MYBPC1: variants seen among roughly 807,000 people sequenced by gnomAD.
MYBPC1 encodes myosin-binding protein C, slow-type.
In MYBPC1, 52 loss-of-function variants were observed where a neutral mutation model predicts 147.1. That is an observed-to-expected ratio of 0.35 (90% CI 0.28 to 0.45). The LOEUF (loss-of-function observed/expected upper bound fraction) is 0.45, where lower values mean the gene tolerates loss of function less well. Among genes scored for constraint, MYBPC1 ranks in the 20% least tolerant of loss-of-function variants. MYBPC1 has a pLI of 1.00. For missense variants in MYBPC1, 1,228 were observed against 1,440.3 expected (o/e 0.85, Z 2.39); for synonymous variants, 477 against 475.9 (o/e 1.00, Z -0.03).
intron 10 of MYBPC1, among the ~76,000 whole-genome samples, chr12:101,638,328 A>T (rs1891397023): frequency 1.3e-5 from 2 of 152,206 alleles, no homozygotes; most frequent in Admixed American, 1.3e-4. Context: ...GGATAGATAC[A>T]CTTTTGTGGG....
At chr12:101,671,979 A>C (rs1358913116) in intron 24 of MYBPC1, among the ~76,000 whole-genome samples, 1 of 152,200 alleles carries the variant, frequency 6.6e-6, no homozygotes, top group East Asian at 1.9e-4. Context: ...GAAGGGAAGA[A>C]ACTGAAAGGG....
At chr12:101,658,224 T>A (rs1450040368) in intron 18 of MYBPC1, among the ~76,000 whole-genome samples, 1 of 151,158 alleles carries the variant, frequency 6.6e-6, no homozygotes, top group African/African-American at 2.4e-5. Context: ...AGGTATGCAA[T>A]GCTGGCTCAA....
intron 1 of MYBPC1, among the ~76,000 whole-genome samples, chr12:101,609,948 A>G (rs549048123): frequency 1.3e-5 from 2 of 152,330 alleles, no homozygotes; most frequent in East Asian, 1.9e-4. Context: ...GAGGCAGCCA[A>G]TGAATTTTAG....
At chr12:101,614,617 G>A (rs570004790) in intron 2 of MYBPC1, 86 bp downstream of exon 2, 1 of 1,390,600 alleles carries the variant, frequency 7.2e-7, no homozygotes, top group East Asian at 2.4e-5. Flanking sequence ...CGGGTGCTGT[G>A]AGCTGTGAGC....
intron 29 of MYBPC1, among the ~76,000 whole-genome samples, chr12:101,681,528 G>A (rs1447888148): frequency 8.8e-6 from 1 of 113,524 alleles, no homozygotes; most frequent in Non-Finnish European, 1.7e-5. Context: ...AAATATGAGA[G>A]GGAAACTTCT....
At chr12:101,652,068 C>CATA (rs1344390979) in intron 16 of MYBPC1, among the ~76,000 whole-genome samples, 1 of 152,174 alleles carries the variant, frequency 6.6e-6, no homozygotes, top group African/African-American at 2.4e-5. Flanking sequence ...GCGTAGGGGA[C>CATA]ATAATATCCT....
At chr12:101,672,119 T>C (rs1464708882) in intron 24 of MYBPC1, among the ~76,000 whole-genome samples, 1 of 152,208 alleles carries the variant, frequency 6.6e-6, no homozygotes, top group Non-Finnish European at 1.5e-5. Flanking sequence ...CATTTTTCCC[T>C]AGTGGCTAAC....
chr12:101,634,471 G>T, intron 8 of MYBPC1, 83 bp from the exon 9 acceptor site: 1 of 1,144,914 alleles, frequency 8.7e-7, no homozygotes, highest in Non-Finnish European at 1.3e-6. Flanking sequence ...TCCATCTAAA[G>T]AATCCCCACA....
intron 10 of MYBPC1, among the ~76,000 whole-genome samples, chr12:101,639,955 T>A (rs1891699106): frequency 6.6e-6 from 1 of 152,142 alleles, no homozygotes; most frequent in South Asian, 2.1e-4. Context: ...AGAGCACTAA[T>A]AATCTAGATT....
intron 1 of MYBPC1, among the ~76,000 whole-genome samples, chr12:101,612,115 G>C (rs1884534972): frequency 6.6e-6 from 1 of 151,390 alleles, no homozygotes; most frequent in Non-Finnish European, 1.5e-5. Context: ...TCAGCTCTGA[G>C]AGCCTTGAGA....
intron 26 of MYBPC1, 43 bp downstream of exon 26, chr12:101,675,474 A>G (rs747056691): frequency 1.9e-6 from 3 of 1,613,238 alleles, no homozygotes; most frequent in African/African-American, 1.3e-5. Flanking sequence ...CAAAAGGCAC[A>G]TTTCATCAGA....
chr12:101,678,263 G>C (rs757374589), intron 28 of MYBPC1, 25 bp downstream of exon 28: 9 of 1,612,604 alleles, frequency 5.6e-6, no homozygotes, highest in African/African-American at 2.7e-5. Context: ...TATCACATCA[G>C]TTAAAGTCCC....
At chr12:101,604,451 A>G (rs916307148) in intron 1 of MYBPC1, among the ~76,000 whole-genome samples, 1 of 152,248 alleles carries the variant, frequency 6.6e-6, no homozygotes, top group African/African-American at 2.4e-5. Context: ...TAGTAAATAA[A>G]TATGGATTAA....
intron 9 of MYBPC1, 37 bp from the exon 10 acceptor site, chr12:101,636,635 A>C (rs372103113): frequency 5.6e-6 from 9 of 1,598,330 alleles, no homozygotes; most frequent in African/African-American, 2.7e-5. Context: ...ATGTCTCTGC[A>C]TTAAACCCAG....
At chr12:101,634,406 G>GCCTT in intron 8 of MYBPC1, 148 bp from the exon 9 acceptor site, 1 of 674,456 alleles carries the variant, frequency 1.5e-6, no homozygotes, top group East Asian at 2.9e-5. Context: ...GTATGATGAG[G>GCCTT]CCTTGGCAGC....
intron 12 of MYBPC1, 27 bp from the exon 13 acceptor site, chr12:101,646,736 T>C (rs775267211): frequency 1.9e-6 from 3 of 1,611,420 alleles, no homozygotes; most frequent in African/African-American, 1.3e-5. Context: ...TCACAGACTC[T>C]GTTTATTTTC....
chr12:101,652,686 A>T lies in MYBPC1; in HGVS notation c.1535A>T (p.Lys512Met), dbSNP rs1419878968. The T allele has an allele frequency of 6.2e-7, 1 of 1,610,562 alleles. No homozygotes were observed. The highest frequency in any genetic ancestry group is 1.1e-5 in the South Asian group (1 of 91,002). ...TTTCCTTGTTTCCTTAGGATCCACA[A>T]GTTAGTGATAGCCAATGCCCTCACT... ...LKVVHKGRIH[K>M]LVIANALTED... Residue 512 changes from lysine (K) to methionine (M), a missense_variant, in exon 17 of 32, where the codon AAG (lysine) becomes ATG (methionine). Around this residue, in one of 2 missense-constraint regions of MYBPC1, gnomAD observed 1,077 missense variants for 1,314.2 expected, o/e 0.82. Transcript: ENST00000361466.
At chr12:101,680,667 G>A (rs979276352) in intron 29 of MYBPC1, 138 bp downstream of exon 29, 2 of 964,554 alleles carry the variant, frequency 2.1e-6, no homozygotes, top group African/African-American at 1.6e-5. Context: ...TGAGGGCAAG[G>A]GAAGCAGGGA....
At chr12:101,672,205 T>A (rs746531051) in intron 24 of MYBPC1, among the ~76,000 whole-genome samples, 1 of 152,200 alleles carries the variant, frequency 6.6e-6, no homozygotes, top group Non-Finnish European at 1.5e-5. Flanking sequence ...CTGCTTCCCA[T>A]GTGTGAGTCT....
Sources: allele counts gnomAD v4.1 joint callset (sites outside exome capture counted in the v4.1 genomes callset), GRCh38; gene constraint gnomAD v4.1.1; regional missense constraint gnomAD v4.1.1; transcripts MANE v1.5; gene names NCBI Gene and HGNC (gene_info 2026-07-23, HGNC 2026-07-21).